PHACTR1: variants seen among roughly 807,000 people sequenced by gnomAD.
The protein encoded by PHACTR1 is phosphatase and actin regulator 1.
Under a neutral mutation model 69.2 loss-of-function variants are expected in PHACTR1, and 16 were observed. The ratio of observed to expected loss-of-function variants is 0.23; its 90% CI spans 0.16 to 0.35. The LOEUF (loss-of-function observed/expected upper bound fraction) is 0.35, where lower values mean the gene tolerates loss of function less well. Among genes scored for constraint, PHACTR1 ranks in the 10% least tolerant of loss-of-function variants. PHACTR1 has a pLI of 1.00. For missense variants in PHACTR1, 510 were observed against 734.7 expected, an observed-to-expected ratio of 0.69 and a Z score of 3.54; for synonymous variants, 312 against 284.5, an observed-to-expected ratio of 1.10 and a Z score of -0.97.
intron 4 of PHACTR1, among the ~76,000 whole-genome samples, chr6:12,757,441 C>T (rs1285443582): frequency 6.6e-6 from 1 of 152,100 alleles, no homozygotes; most frequent in East Asian, 1.9e-4. Flanking sequence ...GGGATTTGCG[C>T]ATAGGAGTAA....
At chr6:12,725,187 A>G (rs567899565) in intron 3 of PHACTR1, among the ~76,000 whole-genome samples, 7 of 151,984 alleles carry the variant, frequency 4.6e-5, no homozygotes, top group Non-Finnish European at 7.4e-5. Context: ...CTCTTTGCCC[A>G]CTCTGTGAAA....
intron 10 of PHACTR1, among the ~76,000 whole-genome samples, chr6:13,257,522 GAAATA>G (rs201970800): frequency 0.02 from 3,098 of 152,196 alleles, 97 homozygotes; most frequent in African/African-American, 0.07. Flanking sequence ...AAGTAAAATG[GAAATA>G]AAATAAAATA....
chr6:12,835,570 C>G (rs1253930127), intron 4 of PHACTR1, among the ~76,000 whole-genome samples: 1 of 152,038 alleles, frequency 6.6e-6, no homozygotes, highest in Non-Finnish European at 1.5e-5. Context: ...AGTCTCCCTC[C>G]CAGCAACTAA....
At chr6:13,271,572 AAAATGGCGTAG>A (rs1469117369) in intron 10 of PHACTR1, among the ~76,000 whole-genome samples, 13 of 152,208 alleles carry the variant, frequency 8.5e-5, no homozygotes, top group African/African-American at 3.1e-4. Flanking sequence ...TCCCTTGTAT[AAAATGGCGTAG>A]TATTTGCAAA....
intron 5 of PHACTR1, among the ~76,000 whole-genome samples, chr6:13,102,962 C>A (rs986487001): frequency 1.3e-5 from 2 of 152,134 alleles, no homozygotes; most frequent in African/African-American, 4.8e-5. Context: ...ACCTTTGCTT[C>A]GTTCTTTGTA....
chr6:13,004,456 AT>A (rs1369055837), intron 4 of PHACTR1, among the ~76,000 whole-genome samples: 2 of 151,968 alleles, frequency 1.3e-5, no homozygotes, highest in Non-Finnish European at 2.9e-5. Context: ...CCTTTGCCCA[AT>A]TTTTAATGGG....
At chr6:12,792,840 CTTTT>C (rs58524663) in intron 4 of PHACTR1, among the ~76,000 whole-genome samples, 4 of 120,418 alleles carry the variant, frequency 3.3e-5, no homozygotes, top group African/African-American at 6.2e-5. Flanking sequence ...TAAAGAGAAG[CTTTT>C]TTTTTTTTTT....
At chr6:12,857,976 A>G (rs2127419974) in intron 4 of PHACTR1, among the ~76,000 whole-genome samples, 1 of 152,306 alleles carries the variant, frequency 6.6e-6, no homozygotes, top group Middle Eastern at 3.4e-3. Flanking sequence ...TGAGTGTTTC[A>G]TCCATGCCAG....
intron 4 of PHACTR1, among the ~76,000 whole-genome samples, chr6:13,033,703 GC>G (rs1278782136): frequency 6.6e-6 from 1 of 152,112 alleles, no homozygotes; most frequent in Admixed American, 6.5e-5. Context: ...ATGGCTGCTG[GC>G]ATAAAAGTTG....
intron 5 of PHACTR1, among the ~76,000 whole-genome samples, chr6:13,135,332 C>G (rs1329081006): frequency 6.6e-6 from 1 of 152,194 alleles, no homozygotes; most frequent in Non-Finnish European, 1.5e-5. Flanking sequence ...TGGAACCGCC[C>G]TGTCATTCTG....
At chr6:13,028,188 G>A (rs1462120018) in intron 4 of PHACTR1, among the ~76,000 whole-genome samples, 1 of 152,174 alleles carries the variant, frequency 6.6e-6, no homozygotes, top group African/African-American at 2.4e-5. Flanking sequence ...TAATGTCCTA[G>A]AGGAAAATTA....
chr6:12,778,375 A>G (rs1158102749), intron 4 of PHACTR1, among the ~76,000 whole-genome samples: 1 of 152,258 alleles, frequency 6.6e-6, no homozygotes, highest in Non-Finnish European at 1.5e-5. Context: ...ATGGTACTAG[A>G]CTGCTGTGGC....
chr6:12,889,725 T>TTTCTTCTTCTTTCTTCTTTC (rs1477087774), intron 4 of PHACTR1, among the ~76,000 whole-genome samples: 28 of 150,718 alleles, frequency 1.9e-4, no homozygotes, highest in Non-Finnish European at 3.4e-4. Context: ...AAGGTTCAAT[T>TTTCTTCTTCTTTCTTCTTTC]TTCTTCTTCT....
chr6:13,202,394 T>C (rs1454406849), intron 7 of PHACTR1, among the ~76,000 whole-genome samples: 2 of 152,112 alleles, frequency 1.3e-5, no homozygotes, highest in Non-Finnish European at 2.9e-5. Context: ...AATCAGAGTC[T>C]TCAAATGAAG....
chr6:12,930,042 G>T (rs945234602), intron 4 of PHACTR1, among the ~76,000 whole-genome samples: 4 of 150,938 alleles, frequency 2.7e-5, no homozygotes, highest in Admixed American at 6.6e-5. Flanking sequence ...TAAACAGAAA[G>T]AACTTTTTTT....
Position 13,287,317 on chromosome 6 carries a change from G to A in PHACTR1, c.*239G>A, listed in dbSNP as rs991442447. 17 of 545,480 alleles carry A rather than the reference G, an allele frequency of 3.1e-5. No individual in the cohort carries two copies. Among genetic ancestry groups the A allele is most frequent in the Admixed American group, 2.3e-4 (7 of 30,070 alleles). 33.8% of individuals were successfully genotyped at this position (545,480 alleles called of 1,614,324 possible). A position where few individuals can be genotyped will look rare whatever the true frequency, so the allele number is the denominator to read the frequency against. ...GACACCAAAATGCATCCCAACCCCC[G>A]GCAGTGCCAAGGGCACCAGCAGGGC... On this transcript the variant is annotated 3_prime_UTR_variant, in exon 15 of 15. Transcript: ENST00000332995.
At chr6:13,146,340 T>C (rs1823348758) in intron 5 of PHACTR1, among the ~76,000 whole-genome samples, 2 of 152,244 alleles carry the variant, frequency 1.3e-5, no homozygotes, top group Non-Finnish European at 2.9e-5. Flanking sequence ...GACATAGCTA[T>C]GCATAGTTAT....
At chr6:13,279,440 G>A (rs1345907027) in intron 12 of PHACTR1, 1 of 152,124 alleles carries the variant, frequency 6.6e-6, no homozygotes, top group African/African-American at 2.4e-5. Flanking sequence ...ACAGTTAAGA[G>A]GCCCATTAAT....
chr6:12,724,724 G>A (rs1280343312), intron 3 of PHACTR1, among the ~76,000 whole-genome samples: 2 of 152,242 alleles, frequency 1.3e-5, no homozygotes, highest in East Asian at 3.9e-4. Context: ...CATTCTGCTG[G>A]GAACTCAAAT....
Sources: gnomAD v4.1 joint callset for allele counts (sites outside exome capture counted in the v4.1 genomes callset) on GRCh38, gnomAD v4.1.1 for gene constraint, MANE v1.5 for transcripts, NCBI Gene and HGNC (gene_info 2026-07-23, HGNC 2026-07-21) for gene names.